COL11A1: variants seen among roughly 807,000 people sequenced by gnomAD.
COL11A1 encodes collagen type XI alpha 1 chain, also known as collagen alpha-1(XI) chain.
COL11A1 carries 74 observed loss-of-function variants against 265.2 expected under a neutral mutation model. The observed-to-expected ratio is 0.28, with a 90% CI of 0.23 to 0.34. The LOEUF is 0.34. Among genes scored for constraint, COL11A1 ranks in the 10% least tolerant of loss-of-function variants. The pLI, the probability that COL11A1 is intolerant of heterozygous loss-of-function variation, is 1.00. For missense variants in COL11A1, 2,165 were observed against 2,263.6 expected (o/e 0.96, Z 0.88); for synonymous variants, 816 against 727.6 (o/e 1.12, Z -1.96).
At chr1:103,032,825 A>G (rs1387985426) in intron 4 of COL11A1, among the ~76,000 whole-genome samples, 1 of 152,134 alleles carries the variant, frequency 6.6e-6, no homozygotes, top group Admixed American at 6.6e-5. Flanking sequence ...TTCTTTAAAA[A>G]TAACAGTTAT....
intron 4 of COL11A1, among the ~76,000 whole-genome samples, chr1:103,035,724 T>C (rs572361275): frequency 6.6e-6 from 1 of 152,130 alleles, no homozygotes; most frequent in East Asian, 1.9e-4. Flanking sequence ...ATATTTAAAA[T>C]CATCATAAGT....
chr1:102,929,686 A>G (rs1177195784), intron 46 of COL11A1, among the ~76,000 whole-genome samples: 1 of 151,916 alleles, frequency 6.6e-6, no homozygotes, highest in Non-Finnish European at 1.5e-5. Context: ...CTTGGGCAGT[A>G]TGGCCATTTT....
chr1:103,043,000 TA>T (rs1668938128), intron 4 of COL11A1, among the ~76,000 whole-genome samples: 1 of 142,534 alleles, frequency 7.0e-6, no homozygotes, highest in African/African-American at 2.6e-5. Context: ...ATATATTAAA[TA>T]CATCATATAT....
intron 4 of COL11A1, among the ~76,000 whole-genome samples, chr1:103,031,608 A>C (rs1668002360): frequency 6.6e-6 from 1 of 152,132 alleles, no homozygotes; most frequent in Admixed American, 6.6e-5. Context: ...AACTGTGCAT[A>C]TATAAAGACA....
intron 28 of COL11A1, among the ~76,000 whole-genome samples, chr1:102,992,184 G>A (rs147809566): frequency 1.6e-3 from 250 of 152,124 alleles, no homozygotes; most frequent in African/African-American, 5.8e-3. Context: ...AAAACAATTA[G>A]ATGATTTAAT....
chr1:103,106,151 T>A (rs1363857006), intron 1 of COL11A1, among the ~76,000 whole-genome samples: 1 of 152,130 alleles, frequency 6.6e-6, no homozygotes, highest in African/African-American at 2.4e-5. Flanking sequence ...AATTTATGCA[T>A]GAAAAGTACA....
Position 103,075,377 on chromosome 1 carries a change from CT to C in COL11A1, c.489-598del, listed in dbSNP as rs1470625405. ...ATTTCAAGACAGTTATAGATCACTA[CT>C]GTAGGCAGGATCCAAGACTGAGACA... On this transcript the variant is annotated intron_variant, in intron 3 of 66. Transcript: ENST00000370096. 3.9e-5 allele frequency among the ~76,000 whole-genome samples: 6 copies of C among 152,138 alleles called. No individual in the cohort carries two copies. In the South Asian group the frequency reaches 6.2e-4, roughly 16 times the overall value.
intron 29 of COL11A1, among the ~76,000 whole-genome samples, chr1:102,988,565 A>G (rs1458139796): frequency 6.6e-6 from 1 of 152,152 alleles, no homozygotes; most frequent in Admixed American, 6.6e-5. Context: ...AGAGTTTTCA[A>G]CTTTGGTGTG....
intron 4 of COL11A1, among the ~76,000 whole-genome samples, chr1:103,035,164 C>G (rs1444668856): frequency 6.6e-6 from 1 of 152,016 alleles, no homozygotes; most frequent in African/African-American, 2.4e-5. Flanking sequence ...ATAGCAGGGC[C>G]TTCTCCTCAG....
intron 60 of COL11A1, 43 bp downstream of exon 60, chr1:102,888,823 T>A: frequency 6.2e-7 from 1 of 1,612,492 alleles, no homozygotes; most frequent in South Asian, 1.1e-5. Context: ...GTTATATTTG[T>A]AACTTAACCC....
intron 12 of COL11A1, 76 bp from the exon 13 acceptor site, chr1:103,014,670 TA>T: frequency 1.7e-6 from 2 of 1,177,694 alleles, no homozygotes; most frequent in Non-Finnish European, 2.5e-6. Flanking sequence ...GATCATTAGA[TA>T]AAAACCACTT....
intron 4 of COL11A1, among the ~76,000 whole-genome samples, chr1:103,063,471 A>G (rs567218718): frequency 3.9e-5 from 6 of 152,160 alleles, no homozygotes; most frequent in Non-Finnish European, 5.9e-5. Context: ...TGGAGCAATG[A>G]TAATCTTTTC....
At chr1:103,052,567 A>C (rs917936424) in intron 4 of COL11A1, among the ~76,000 whole-genome samples, 1 of 152,170 alleles carries the variant, frequency 6.6e-6, no homozygotes, top group Non-Finnish European at 1.5e-5. Context: ...CTTTTATTAC[A>C]ACTATGTTTC....
intron 37 of COL11A1, among the ~76,000 whole-genome samples, chr1:102,969,017 T>A (rs1342449621): frequency 6.6e-6 from 1 of 152,226 alleles, no homozygotes; most frequent in Non-Finnish European, 1.5e-5. Context: ...ATTTGAATGA[T>A]AATGCATTTG....
At position 102,899,898 on chromosome 1, in the gene COL11A1, G is replaced by A. The variant is rs140198178; in HGVS notation, c.4087-904C>T. Among the ~76,000 whole-genome samples the A allele has an allele frequency of 8.9e-3, 1,353 of 152,028 alleles. 6 individuals are homozygous for A. The highest frequency in any genetic ancestry group is 0.022 in the South Asian group (107 of 4,798). On this transcript the variant is annotated intron_variant, in intron 54 of 66. Coordinates refer to ENST00000370096, the MANE Select transcript of COL11A1 (RefSeq NM_001854.4). ...TGAATATATCCCAGCCTTTTATATC[G>A]TATTTTAAACTGAGTATCAATAGTG... is the stretch of plus-strand genomic sequence containing the variant.
chr1:102,929,771 G>A (rs1211378692), intron 46 of COL11A1, among the ~76,000 whole-genome samples: 2 of 152,020 alleles, frequency 1.3e-5, no homozygotes, highest in Admixed American at 6.5e-5. Context: ...ATTTCATTGA[G>A]CAGTGGTTTG....
intron 13 of COL11A1, among the ~76,000 whole-genome samples, chr1:103,012,678 A>G (rs991721389): frequency 6.6e-6 from 1 of 152,188 alleles, no homozygotes; most frequent in African/African-American, 2.4e-5. Context: ...AAACTTTTTA[A>G]CATATAAAAT....
chr1:102,888,367 T>C (rs1307902520), intron 62 of COL11A1, among the ~76,000 whole-genome samples: 4 of 152,172 alleles, frequency 2.6e-5, no homozygotes, highest in Non-Finnish European at 5.9e-5. Context: ...GACTATAATA[T>C]ACAATTAAGG....
At chr1:102,936,871 A>T (rs1208523284) in intron 44 of COL11A1, among the ~76,000 whole-genome samples, 4 of 152,168 alleles carry the variant, frequency 2.6e-5, no homozygotes, top group African/African-American at 7.2e-5. Context: ...AAGAATATTC[A>T]AAATTATCTG....
Sources: gnomAD v4.1 joint callset for allele counts (sites outside exome capture counted in the v4.1 genomes callset) on GRCh38, gnomAD v4.1.1 for gene constraint, MANE v1.5 for transcripts, NCBI Gene and HGNC (gene_info 2026-07-23, HGNC 2026-07-21) for gene names.